SRBD1: variants seen among roughly 807,000 people sequenced by gnomAD.
SRBD1 encodes S1 RNA binding domain 1.
In SRBD1, 88 loss-of-function variants were observed where a neutral mutation model predicts 115.3. The observed-to-expected ratio is 0.76, with a 90% CI of 0.64 to 0.91. The LOEUF (loss-of-function observed/expected upper bound fraction) is 0.91, where lower values mean the gene tolerates loss of function less well. SRBD1 is among the 40% of genes least tolerant of loss of function. SRBD1 has a pLI of 0.00. For synonymous variants in SRBD1, 509 were observed against 407.7 expected, an observed-to-expected ratio of 1.25 and a Z score of -2.99; for missense variants, 1,385 against 1,177.4, an observed-to-expected ratio of 1.18 and a Z score of -2.58.
At chr2:45,440,940 G>A (rs371727730) in intron 16 of SRBD1, among the ~76,000 whole-genome samples, 12 of 152,126 alleles carry the variant, frequency 7.9e-5, no homozygotes, top group South Asian at 6.2e-4. Flanking sequence ...GAGTATTAAC[G>A]CATAATAATA....
In SRBD1 at chr2:45,401,684, C is replaced by T. The variant is rs1039420444; in HGVS notation, c.2514-8555G>A. 5.3e-5 allele frequency among the ~76,000 whole-genome samples: 8 copies of T among 152,118 alleles called. No individual in the cohort carries two copies. In the East Asian group the frequency reaches 7.7e-4, roughly 15 times the overall value. On this transcript the variant is annotated intron_variant, in intron 19 of 20. Coordinates refer to ENST00000263736, the MANE Select transcript of SRBD1 (RefSeq NM_018079.5). ...AGTTAGCTGGCATGCCAATGCAGAA[C>T]GAAGCTGTGGTGAATTTTAGATGTA...
intron 16 of SRBD1, among the ~76,000 whole-genome samples, chr2:45,459,964 A>T (rs1669265691): frequency 6.6e-6 from 1 of 152,316 alleles, no homozygotes; most frequent in Admixed American, 6.5e-5. Context: ...CACCCTGAAT[A>T]ACCCAACGGC....
chr2:45,470,687 C>CA (rs1669622154), intron 16 of SRBD1, among the ~76,000 whole-genome samples: 1 of 152,204 alleles, frequency 6.6e-6, no homozygotes, highest in Non-Finnish European at 1.5e-5. Flanking sequence ...CCAGTGAACT[C>CA]AACAGAGCCA....
intron 16 of SRBD1, among the ~76,000 whole-genome samples, chr2:45,442,544 A>C (rs1323890437): frequency 6.6e-6 from 1 of 152,224 alleles, no homozygotes; most frequent in Non-Finnish European, 1.5e-5. Flanking sequence ...TGGAATTTAG[A>C]AAAGAGATAT....
At chr2:45,523,724 G>T (rs955769949) in intron 14 of SRBD1, among the ~76,000 whole-genome samples, 3 of 151,610 alleles carry the variant, frequency 2.0e-5, no homozygotes, top group African/African-American at 7.3e-5. Flanking sequence ...AATCCAGGTG[G>T]TTTTAAAACT....
intron 15 of SRBD1, among the ~76,000 whole-genome samples, chr2:45,482,620 A>G (rs1286372575): frequency 6.7e-6 from 1 of 149,312 alleles, no homozygotes; most frequent in Non-Finnish European, 1.5e-5. Context: ...TTAAACACAC[A>G]CACACACACA....
chr2:45,406,873 CT>C (rs879388559), intron 19 of SRBD1, among the ~76,000 whole-genome samples: 319 of 147,154 alleles, frequency 2.2e-3, no homozygotes, highest in East Asian at 5.7e-3. Flanking sequence ...ATTCCAGATA[CT>C]TTTTTTTTTT....
chr2:45,584,706 A>T (rs986222983), intron 5 of SRBD1, among the ~76,000 whole-genome samples: 1 of 152,226 alleles, frequency 6.6e-6, no homozygotes. Context: ...ACCCTATCGA[A>T]TAATATGGTC....
chr2:45,452,456 A>G (rs991289207), intron 16 of SRBD1, among the ~76,000 whole-genome samples: 1 of 152,030 alleles, frequency 6.6e-6, no homozygotes, highest in Non-Finnish European at 1.5e-5. Context: ...ATGCAGAGAT[A>G]TAATCAATCT....
chr2:45,547,705 G>C (rs373425281), intron 12 of SRBD1, 93 bp from the exon 13 acceptor site: 1 of 1,017,706 alleles, frequency 9.8e-7, no homozygotes. Flanking sequence ...CAGAAAAGGA[G>C]ACTGGCTTGT....
intron 14 of SRBD1, among the ~76,000 whole-genome samples, chr2:45,534,299 T>A (rs1671699195): frequency 6.6e-6 from 1 of 151,986 alleles, no homozygotes; most frequent in Non-Finnish European, 1.5e-5. Flanking sequence ...TAAATTGTAT[T>A]GACTGTAAAA....
At chr2:45,450,083 A>C (rs1198595997) in intron 16 of SRBD1, among the ~76,000 whole-genome samples, 11 of 152,212 alleles carry the variant, frequency 7.2e-5, no homozygotes, top group Admixed American at 7.2e-4. Context: ...AGATGACATA[A>C]GACCACAAAA....
intron 15 of SRBD1, among the ~76,000 whole-genome samples, chr2:45,479,404 A>G (rs771654630): frequency 1.3e-5 from 2 of 152,220 alleles, no homozygotes. Flanking sequence ...AGAGTTCTTG[A>G]AGGAAATTAA....
intron 14 of SRBD1, among the ~76,000 whole-genome samples, chr2:45,528,130 T>C (rs1671506131): frequency 1.3e-5 from 2 of 151,928 alleles, no homozygotes; most frequent in Admixed American, 1.3e-4. Flanking sequence ...GTTGATTACA[T>C]AATTCTTTAA....
chr2:45,605,903 C>CAA (rs574003489), intron 1 of SRBD1, among the ~76,000 whole-genome samples: 201 of 63,828 alleles, frequency 3.1e-3, no homozygotes, highest in African/African-American at 0.012. Context: ...GACTCGGTCT[C>CAA]AAAAAAAAAA....
intron 16 of SRBD1, among the ~76,000 whole-genome samples, chr2:45,473,054 C>T (rs907589436): frequency 5.3e-5 from 8 of 151,688 alleles, no homozygotes; most frequent in Non-Finnish European, 1.0e-4. Context: ...GAAGTTAGCC[C>T]ATTCACTTTT....
chr2:45,603,918 C>G (rs1169635883), intron 2 of SRBD1, among the ~76,000 whole-genome samples: 1 of 152,114 alleles, frequency 6.6e-6, no homozygotes, highest in Non-Finnish European at 1.5e-5. Flanking sequence ...GAATGTCCAG[C>G]AATCACATCA....
chr2:45,483,528 C>T (rs150495827), intron 15 of SRBD1, among the ~76,000 whole-genome samples: 47 of 152,132 alleles, frequency 3.1e-4, no homozygotes, highest in African/African-American at 1.1e-3. Flanking sequence ...TGGGTTTTGG[C>T]CTTTCAGTTC....
intron 19 of SRBD1, among the ~76,000 whole-genome samples, chr2:45,406,055 T>C (rs189206910): frequency 1.3e-3 from 198 of 152,248 alleles, no homozygotes; most frequent in Non-Finnish European, 2.3e-3. Context: ...CAGTTAGTTA[T>C]AAAGCTTTAT....
Sources: allele counts gnomAD v4.1 joint callset (sites outside exome capture counted in the v4.1 genomes callset), GRCh38; gene constraint gnomAD v4.1.1; transcripts MANE v1.5; gene names NCBI Gene and HGNC (gene_info 2026-07-23, HGNC 2026-07-21).